The following FYN variants were observed in gnomAD, a reference collection of about 807,000 sequenced individuals.
The protein encoded by FYN is FYN proto-oncogene, Src family tyrosine kinase, also known as tyrosine-protein kinase Fyn.
Under a neutral mutation model 70.2 loss-of-function variants are expected in FYN, and 10 were observed. That is an observed-to-expected ratio of 0.14 (90% CI 0.09 to 0.24). FYN has a LOEUF of 0.24. FYN is among the 10% of genes least tolerant of loss of function. The probability of loss-of-function intolerance (pLI) is 1.00; values close to 1 mark genes in which losing one functional copy is unlikely to be tolerated. For synonymous variants in FYN, 236 were observed against 248.6 expected (o/e 0.95, Z 0.48); for missense variants, 319 against 673.1 (o/e 0.47, Z 5.82).
chr6:111,758,079 T>C (rs1386234089), intron 3 of FYN, among the ~76,000 whole-genome samples: 1 of 152,228 alleles, frequency 6.6e-6, no homozygotes, highest in Non-Finnish European at 1.5e-5. Flanking sequence ...TCTGATGTTG[T>C]TTTTAAAAAT....
At chr6:111,748,260 T>C (rs1029278096) in intron 3 of FYN, among the ~76,000 whole-genome samples, 7 of 152,186 alleles carry the variant, frequency 4.6e-5, no homozygotes, top group African/African-American at 1.7e-4. Context: ...AGACATCTCA[T>C]AAATAAAAGC....
intron 3 of FYN, among the ~76,000 whole-genome samples, chr6:111,778,424 G>A (rs1443246400): frequency 6.6e-6 from 1 of 152,110 alleles, no homozygotes; most frequent in African/African-American, 2.4e-5. Context: ...AGACTCCAGG[G>A]AGGAACAAGA....
At chr6:111,686,721 G>A (rs978663650) in intron 12 of FYN, among the ~76,000 whole-genome samples, 4 of 152,154 alleles carry the variant, frequency 2.6e-5, no homozygotes, top group Non-Finnish European at 5.9e-5. Flanking sequence ...GAATGGCAAT[G>A]CTGTTGTTGA....
intron 3 of FYN, among the ~76,000 whole-genome samples, chr6:111,743,218 G>T (rs1802060916): frequency 6.6e-6 from 1 of 152,116 alleles, no homozygotes; most frequent in African/African-American, 2.4e-5. Flanking sequence ...GCCCACCTTG[G>T]TCTCCCAAAG....
chr6:111,863,819 G>A (rs944122522), intron 1 of FYN, among the ~76,000 whole-genome samples: 5 of 152,112 alleles, frequency 3.3e-5, no homozygotes, highest in African/African-American at 1.2e-4. Flanking sequence ...ATGATCCCGG[G>A]CCCCTCTCAA....
chr6:111,803,987 C>T (rs1374194168), intron 2 of FYN, among the ~76,000 whole-genome samples: 2 of 152,174 alleles, frequency 1.3e-5, no homozygotes, highest in East Asian at 3.9e-4. Flanking sequence ...GAAATGACCT[C>T]CTCCCCTCAA....
chr6:111,692,426 G>GGCA (rs1013659096), intron 12 of FYN, among the ~76,000 whole-genome samples: 1 of 151,246 alleles, frequency 6.6e-6, no homozygotes, highest in Admixed American at 6.6e-5. Flanking sequence ...ACCCGCTCAG[G>GGCA]GCAGCAGCCT....
chr6:111,766,245 C>T (rs369443150), intron 3 of FYN, among the ~76,000 whole-genome samples: 15 of 152,192 alleles, frequency 9.9e-5, no homozygotes, highest in African/African-American at 2.7e-4. Context: ...AGCTGGTCAG[C>T]AATGGAGCTC....
At chr6:111,784,381 A>T (rs1771287780) in intron 2 of FYN, among the ~76,000 whole-genome samples, 1 of 152,210 alleles carries the variant, frequency 6.6e-6, no homozygotes, top group South Asian at 2.1e-4. Flanking sequence ...CCCTGGGCTC[A>T]ATCATATGAG....
At chr6:111,788,152 A>G (rs904585860) in intron 2 of FYN, among the ~76,000 whole-genome samples, 7 of 151,908 alleles carry the variant, frequency 4.6e-5, no homozygotes, top group Non-Finnish European at 1.0e-4. Flanking sequence ...CAGTTCCCCC[A>G]CTAGAATTAG....
chr6:111,735,447 T>C (rs942364096), intron 3 of FYN, among the ~76,000 whole-genome samples: 2 of 152,202 alleles, frequency 1.3e-5, no homozygotes, highest in Non-Finnish European at 2.9e-5. Context: ...CTGGGTATTA[T>C]CATCATCATC....
intron 3 of FYN, among the ~76,000 whole-genome samples, chr6:111,736,463 C>A (rs1244171970): frequency 2.6e-5 from 4 of 152,126 alleles, no homozygotes; most frequent in South Asian, 4.2e-4. Flanking sequence ...TTTGTCCCAG[C>A]ACTAAGCAGA....
chr6:111,773,736 C>T (rs1216438842), intron 3 of FYN, among the ~76,000 whole-genome samples: 1 of 150,882 alleles, frequency 6.6e-6, no homozygotes, highest in Non-Finnish European at 1.5e-5. Flanking sequence ...CTCCTTCTCT[C>T]CCTCTTTTAG....
chr6:111,794,457 G>A (rs1363458594), intron 2 of FYN, among the ~76,000 whole-genome samples: 1 of 152,170 alleles, frequency 6.6e-6, no homozygotes, highest in Non-Finnish European at 1.5e-5. Flanking sequence ...AAATCACCTA[G>A]GTCAATTCCT....
chr6:111,672,842 T>C (rs1363996583), intron 13 of FYN, among the ~76,000 whole-genome samples: 1 of 152,052 alleles, frequency 6.6e-6, no homozygotes, highest in East Asian at 1.9e-4. Flanking sequence ...AGTGGTAAAA[T>C]GAGGGCATTT....
chr6:111,677,319 A>C (rs1211576810), intron 12 of FYN, among the ~76,000 whole-genome samples: 1 of 152,228 alleles, frequency 6.6e-6, no homozygotes, highest in Non-Finnish European at 1.5e-5. Context: ...AAATCAAAGC[A>C]GCAATAAGGT....
At chr6:111,687,833 G>A (rs1346968844) in intron 12 of FYN, among the ~76,000 whole-genome samples, 1 of 152,124 alleles carries the variant, frequency 6.6e-6, no homozygotes, top group African/African-American at 2.4e-5. Context: ...CCTATTTTAA[G>A]AGGAAGAAAT....
chr6:111,797,850 C>A (rs1771866171), intron 2 of FYN, among the ~76,000 whole-genome samples: 1 of 151,918 alleles, frequency 6.6e-6, no homozygotes, highest in Non-Finnish European at 1.5e-5. Flanking sequence ...GCAACCTCCG[C>A]CTCCCAGGTG....
chr6:111,796,676 T>C (rs1771815569), intron 2 of FYN, among the ~76,000 whole-genome samples: 1 of 152,184 alleles, frequency 6.6e-6, no homozygotes, highest in South Asian at 2.1e-4. Flanking sequence ...TGCCAGGCCC[T>C]GTTCTGAGAG....
Sources: allele counts gnomAD v4.1 joint callset (sites outside exome capture counted in the v4.1 genomes callset), GRCh38; gene constraint gnomAD v4.1.1; transcripts MANE v1.5; gene names NCBI Gene and HGNC (gene_info 2026-07-23, HGNC 2026-07-21).